ASPRV1: variants seen among roughly 807,000 people sequenced by gnomAD.
ASPRV1 encodes retroviral-like aspartic protease 1.
In ASPRV1, 7 loss-of-function variants were observed where a neutral mutation model predicts 11.0. The ratio of observed to expected loss-of-function variants is 0.64; its 90% CI spans 0.36 to 1.20. The LOEUF is 1.20. ASPRV1 is among the 50% of genes most tolerant of loss of function. The probability of loss-of-function intolerance (pLI) is 0.02; values close to 1 mark genes in which losing one functional copy is unlikely to be tolerated. For missense variants in ASPRV1, 299 were observed against 320.0 expected (o/e 0.93, Z 0.50); for synonymous variants, 136 against 138.4 (o/e 0.98, Z 0.12).
downstream of ASPRV1, among the ~76,000 whole-genome samples, chr2:69,959,769 T>C (rs924585610): frequency 2.0e-5 from 3 of 152,246 alleles, no homozygotes; most frequent in African/African-American, 7.2e-5. Flanking sequence ...ATCATAACCA[T>C]AATTTCCCAA....
At chr2:70,074,553 G>A in the ASPRV1 span, among the ~76,000 whole-genome samples, 2 of 151,600 alleles carry the variant, frequency 1.3e-5, no homozygotes, top group Non-Finnish European at 2.9e-5. Flanking sequence ...TGGGATTACA[G>A]GCATGAGCCA....
the ASPRV1 span, chr2:69,939,273 ACT>A: frequency 6.6e-6 from 1 of 152,554 alleles, no homozygotes; most frequent in East Asian, 1.9e-4. Context: ...CCACATTTCT[ACT>A]CTCTGTTGCA....
chr2:69,963,358 G>A (rs757280706), upstream of ASPRV1: 99 of 456,576 alleles, frequency 2.2e-4, 1 homozygote, highest in South Asian at 1.2e-3. Flanking sequence ...CCAGCCACAC[G>A]CAAGACCAGG....
the ASPRV1 span, among the ~76,000 whole-genome samples, chr2:69,952,647 A>G: frequency 6.6e-6 from 1 of 152,234 alleles, no homozygotes; most frequent in East Asian, 1.9e-4. Flanking sequence ...AGATTGCCAC[A>G]TAAGCAAGCT....
At chr2:70,018,001 G>A in the ASPRV1 span, 6 of 151,894 alleles carry the variant, frequency 4.0e-5, no homozygotes, top group African/African-American at 1.2e-4. Context: ...TTAGCCAGGT[G>A]TCATAGTGCG....
At chr2:70,033,288 C>CACACAT in the ASPRV1 span, among the ~76,000 whole-genome samples, 28 of 149,080 alleles carry the variant, frequency 1.9e-4, no homozygotes, top group African/African-American at 6.9e-4. Context: ...CACACACACA[C>CACACAT]ACACACACAC....
chr2:69,966,889 G>A, the ASPRV1 span, among the ~76,000 whole-genome samples: 1 of 152,164 alleles, frequency 6.6e-6, no homozygotes, highest in Non-Finnish European at 1.5e-5. Context: ...CGACAGAGAG[G>A]GGGTACCTTC....
Position 69,961,355 on chromosome 2 carries a change from C to T in ASPRV1, c.82G>A (p.Val28Ile), listed in dbSNP as rs554895120. ...AAGCTGTGCAGCCAGAGGTTTGGGACGACATTGGCCCCATCAAAAGGTTCC... is the reference window on the plus strand; with the variant it reads ...AAGCTGTGCAGCCAGAGGTTTGGGATGACATTGGCCCCATCAAAAGGTTCC... ...VPEPFDGANV[V>I]PNLWLHSFEV... The change falls in exon 1 of 1, where the codon GTC becomes ATC. Residue 28 changes from valine to isoleucine, a missense_variant. Val to Ile is a conservative substitution (Grantham distance 29). Transcript: ENST00000320256. 27 of 1,614,076 alleles carry T rather than the reference C, an allele frequency of 1.7e-5. 1 individual carries two copies. The highest frequency in any genetic ancestry group is 5.3e-5 in the African/African-American group (4 of 75,012).
chr2:70,004,951 G>C, the ASPRV1 span, among the ~76,000 whole-genome samples: 1 of 152,282 alleles, frequency 6.6e-6, no homozygotes, highest in South Asian at 2.1e-4. Context: ...CTGGCTCACG[G>C]TATGTGCTCA....
chr2:70,027,236 C>T, the ASPRV1 span, among the ~76,000 whole-genome samples: 141 of 115,514 alleles, frequency 1.2e-3, no homozygotes, highest in African/African-American at 3.8e-3. Flanking sequence ...TCAGCCTGGG[C>T]GACAGAGCAA....
chr2:69,938,227 C>T, the ASPRV1 span: 2 of 1,614,202 alleles, frequency 1.2e-6, no homozygotes, highest in South Asian at 2.2e-5. Flanking sequence ...GCTATTCCAG[C>T]ACCAGCATCA....
the ASPRV1 span, among the ~76,000 whole-genome samples, chr2:69,937,637 C>T: frequency 5.9e-5 from 9 of 152,254 alleles, no homozygotes; most frequent in South Asian, 2.1e-4. Flanking sequence ...TGTTTTGAGA[C>T]GGAATCTTGC....
chr2:69,948,269 C>T, the ASPRV1 span, among the ~76,000 whole-genome samples: 1 of 152,148 alleles, frequency 6.6e-6, no homozygotes, highest in Non-Finnish European at 1.5e-5. Flanking sequence ...CAAAATTAAT[C>T]GCTTGCAAAT....
At chr2:69,993,511 ACAGTGACCTTGGTCTCCAAGGTC>A in the ASPRV1 span, 8 of 152,182 alleles carry the variant, frequency 5.3e-5, no homozygotes, top group Non-Finnish European at 8.8e-5. Flanking sequence ...ACCTGAGATC[ACAGTGACCTTGGTCTCCAAGGTC>A]CTGTGAGAAG....
chr2:69,960,612 G>A lies in ASPRV1; in HGVS notation c.*45C>T, dbSNP rs1558580829. 1 of 1,554,372 alleles carries A rather than the reference G, an allele frequency of 6.4e-7. No homozygotes were observed. Among genetic ancestry groups the A allele is most frequent in the South Asian group, 1.2e-5 (1 of 84,936 alleles). ...GATATGCAACCCCCCCCACAGCGGTGGGTCTTCCCACCAATATTTAGGAGG... is the reference window on the plus strand; with the variant it reads ...GATATGCAACCCCCCCCACAGCGGTAGGTCTTCCCACCAATATTTAGGAGG... On this transcript the variant is annotated 3_prime_UTR_variant, in exon 1 of 1. Coordinates refer to ENST00000320256, the MANE Select transcript of ASPRV1 (RefSeq NM_152792.4).
the ASPRV1 span, among the ~76,000 whole-genome samples, chr2:69,974,223 G>C: frequency 1.3e-5 from 2 of 151,886 alleles, no homozygotes; most frequent in Non-Finnish European, 2.9e-5. Flanking sequence ...TGTTTTCCCA[G>C]CTACTCAGGA....
the ASPRV1 span, among the ~76,000 whole-genome samples, chr2:69,989,648 G>A: frequency 5.9e-5 from 9 of 152,236 alleles, no homozygotes; most frequent in African/African-American, 1.7e-4. Flanking sequence ...TGATGAGCAC[G>A]GGAAAACAAG....
the ASPRV1 span, among the ~76,000 whole-genome samples, chr2:69,972,916 T>C: frequency 2.6e-5 from 4 of 152,022 alleles, no homozygotes; most frequent in Non-Finnish European, 4.4e-5. Flanking sequence ...AGGCTAATCC[T>C]TCCACCTGAG....
the ASPRV1 span, among the ~76,000 whole-genome samples, chr2:70,084,647 G>C: frequency 2.6e-5 from 4 of 152,164 alleles, no homozygotes; most frequent in Admixed American, 6.5e-5. Flanking sequence ...ATAAAGAATA[G>C]AAATTACCCA....
Sources: gnomAD v4.1 joint callset for allele counts (sites outside exome capture counted in the v4.1 genomes callset) on GRCh38, gnomAD v4.1.1 for gene constraint, MANE v1.5 for transcripts, NCBI Gene and HGNC (gene_info 2026-07-23, HGNC 2026-07-21) for gene names.